PHACTR3: variants seen among roughly 807,000 people sequenced by gnomAD.
The protein encoded by PHACTR3 is phosphatase and actin regulator 3.
Under a neutral mutation model 66.8 loss-of-function variants are expected in PHACTR3, and 16 were observed. The ratio of observed to expected loss-of-function variants is 0.24; its 90% CI spans 0.16 to 0.36. The LOEUF (loss-of-function observed/expected upper bound fraction) is 0.36, where lower values mean the gene tolerates loss of function less well. Ranked by LOEUF, PHACTR3 falls within the 10% of genes least tolerant of loss-of-function variation. The probability of loss-of-function intolerance (pLI) is 1.00; values close to 1 mark genes in which losing one functional copy is unlikely to be tolerated. For synonymous variants in PHACTR3, 323 were observed against 292.1 expected, an observed-to-expected ratio of 1.11 and a Z score of -1.08; for missense variants, 647 against 719.9, an observed-to-expected ratio of 0.90 and a Z score of 1.16.
intron 3 of PHACTR3, among the ~76,000 whole-genome samples, chr20:59,750,107 A>G (rs2039522153): frequency 1.3e-5 from 2 of 152,138 alleles, no homozygotes; most frequent in African/African-American, 4.8e-5. Flanking sequence ...TTCTGAACGC[A>G]CATCCAGTGG....
chr20:59,762,183 T>TG, intron 4 of PHACTR3, among the ~76,000 whole-genome samples: 1 of 152,262 alleles, frequency 6.6e-6, no homozygotes, highest in South Asian at 2.1e-4. Context: ...ATGGATGTTT[T>TG]GGGGGAGACT....
intron 10 of PHACTR3, 129 bp from the exon 11 acceptor site, chr20:59,841,266 G>T (rs2059055562): frequency 1.2e-6 from 1 of 852,770 alleles, no homozygotes. Flanking sequence ...CTTGTATTTG[G>T]GTTATATTTT....
At chr20:59,712,220 G>T (rs1234077963) in intron 1 of PHACTR3, among the ~76,000 whole-genome samples, 2 of 152,050 alleles carry the variant, frequency 1.3e-5, no homozygotes, top group Non-Finnish European at 2.9e-5. Context: ...CTTAGTGGGG[G>T]TATGAAAGAT....
At chr20:59,817,218 T>G (rs1205602541) in intron 8 of PHACTR3, among the ~76,000 whole-genome samples, 14 of 152,268 alleles carry the variant, frequency 9.2e-5, no homozygotes, top group Non-Finnish European at 7.3e-5. Flanking sequence ...TTGTGAATAG[T>G]GTGAGCCCTC....
intron 1 of PHACTR3, among the ~76,000 whole-genome samples, chr20:59,613,448 C>T (rs1465653454): frequency 6.6e-6 from 1 of 152,170 alleles, no homozygotes; most frequent in African/African-American, 2.4e-5. Flanking sequence ...GGGAGCACTG[C>T]CCAGTGACAC....
At chr20:59,625,950 G>A (rs183876701) in intron 1 of PHACTR3, among the ~76,000 whole-genome samples, 1 of 152,274 alleles carries the variant, frequency 6.6e-6, no homozygotes, top group African/African-American at 2.4e-5. Context: ...GGGACGTGGA[G>A]ATTTCTGTGC....
intron 1 of PHACTR3, among the ~76,000 whole-genome samples, chr20:59,724,742 G>T (rs1325519540): frequency 6.6e-6 from 1 of 152,170 alleles, no homozygotes; most frequent in African/African-American, 2.4e-5. Context: ...TCCAGTACAC[G>T]CTCTCAAGCG....
chr20:59,629,462 G>A (rs745651548), intron 1 of PHACTR3, among the ~76,000 whole-genome samples: 7 of 152,196 alleles, frequency 4.6e-5, no homozygotes, highest in Non-Finnish European at 7.3e-5. Context: ...CTACTCTCTC[G>A]CAGTGCTGGA....
rs2039643890 is a variant in PHACTR3 at position 59,752,723 on chromosome 20, G to A, written c.359-2459G>A. Among the ~76,000 whole-genome samples the A allele has an allele frequency of 3.9e-5, 6 of 152,146 alleles. No homozygotes were observed. The South Asian group carries it at 1.2e-3, about 32-fold the overall frequency. ...TGTGATGATTTTGATGATGACGATGGAGGCATCCTTATTATTAACAGCAGT... is the reference window on the plus strand; with the variant it reads ...TGTGATGATTTTGATGATGACGATGAAGGCATCCTTATTATTAACAGCAGT... On this transcript the variant is annotated intron_variant, in intron 3 of 12. Coordinates refer to ENST00000371015, the MANE Select transcript of PHACTR3 (RefSeq NM_080672.5).
intron 1 of PHACTR3, among the ~76,000 whole-genome samples, chr20:59,670,609 G>GGC (rs2036160526): frequency 7.3e-6 from 1 of 136,692 alleles, no homozygotes; most frequent in Admixed American, 7.3e-5. Flanking sequence ...CGGGGGTGGG[G>GGC]GGGGGGGGCA....
At chr20:59,605,872 G>GGCTGTGTGCGC (rs1568929104) in intron 1 of PHACTR3, among the ~76,000 whole-genome samples, 12 of 145,282 alleles carry the variant, frequency 8.3e-5, no homozygotes, top group African/African-American at 2.8e-4. Flanking sequence ...GGGGGGGGTG[G>GGCTGTGTGCGC]GCTGTGTGCG....
At chr20:59,799,502 G>A (rs940790581) in intron 7 of PHACTR3, among the ~76,000 whole-genome samples, 9 of 152,014 alleles carry the variant, frequency 5.9e-5, no homozygotes, top group African/African-American at 2.2e-4. Flanking sequence ...CCTGATGAAG[G>A]TATCTCTTTA....
intron 7 of PHACTR3, among the ~76,000 whole-genome samples, chr20:59,774,914 C>A (rs1399338650): frequency 6.6e-6 from 1 of 151,804 alleles, no homozygotes; most frequent in Non-Finnish European, 1.5e-5. Context: ...ACAAGTAAAG[C>A]AGGACGAGAT....
intron 1 of PHACTR3, among the ~76,000 whole-genome samples, chr20:59,664,881 T>C (rs2035932689): frequency 6.6e-6 from 1 of 152,202 alleles, no homozygotes; most frequent in Admixed American, 6.5e-5. Flanking sequence ...CAGACGAAAG[T>C]GAATACCCGT....
Position 59,704,576 on chromosome 20 carries a change from T to G in PHACTR3, c.119-38531T>G, listed in dbSNP as rs2037631021. ...CTGAGAATAGTCTTTTTTTTTTTTT[T>G]TTTTTTTTGCCACTGATTGGAAATG... is the stretch of plus-strand genomic sequence containing the variant. On this transcript the variant is annotated intron_variant, in intron 1 of 12. Coordinates refer to ENST00000371015, the MANE Select transcript of PHACTR3 (RefSeq NM_080672.5). Among the ~76,000 whole-genome samples the G allele has an allele frequency of 2.7e-5, 4 of 150,444 alleles. No individual in the cohort carries two copies. In the South Asian group the frequency reaches 8.4e-4, roughly 32 times the overall value.
chr20:59,793,928 G>A (rs1321021825), intron 7 of PHACTR3, among the ~76,000 whole-genome samples: 2 of 151,892 alleles, frequency 1.3e-5, no homozygotes, highest in East Asian at 3.9e-4. Context: ...TTCAAGACCA[G>A]CCTGGCCAAC....
intron 9 of PHACTR3, among the ~76,000 whole-genome samples, chr20:59,838,912 A>G (rs2059011313): frequency 1.3e-5 from 2 of 152,144 alleles, no homozygotes; most frequent in South Asian, 4.2e-4. Flanking sequence ...AACAGGGAGG[A>G]CTTCTTGGAG....
chr20:59,768,501 T>A (rs754739159), intron 5 of PHACTR3, among the ~76,000 whole-genome samples: 11 of 152,212 alleles, frequency 7.2e-5, no homozygotes, highest in Non-Finnish European at 1.6e-4. Flanking sequence ...TGAACCCAGT[T>A]TTTGGGCCCA....
chr20:59,611,550 G>A (rs1000985391), intron 1 of PHACTR3, among the ~76,000 whole-genome samples: 1 of 152,196 alleles, frequency 6.6e-6, no homozygotes, highest in Non-Finnish European at 1.5e-5. Flanking sequence ...AGGCACCAGG[G>A]CCATTCTCAG....
Sources: gnomAD v4.1 joint callset for allele counts (sites outside exome capture counted in the v4.1 genomes callset) on GRCh38, gnomAD v4.1.1 for gene constraint, MANE v1.5 for transcripts, NCBI Gene and HGNC (gene_info 2026-07-23, HGNC 2026-07-21) for gene names.